The following DPYD variants were observed in gnomAD, a reference collection of about 807,000 sequenced individuals.
The protein encoded by DPYD is dihydropyrimidine dehydrogenase.
DPYD carries 109 observed loss-of-function variants against 116.2 expected under a neutral mutation model. The ratio of observed to expected loss-of-function variants is 0.94; its 90% CI spans 0.80 to 1.10. DPYD has a LOEUF of 1.10. Among genes scored for constraint, DPYD ranks in the 50% least tolerant of loss-of-function variants. The pLI is 0.00. For missense variants in DPYD, 1,302 were observed against 1,254.5 expected, an observed-to-expected ratio of 1.04 and a Z score of -0.57; for synonymous variants, 440 against 432.0, an observed-to-expected ratio of 1.02 and a Z score of -0.23.
chr1:97,365,755 G>A (rs1670999937), intron 16 of DPYD, among the ~76,000 whole-genome samples: 1 of 152,112 alleles, frequency 6.6e-6, no homozygotes, highest in Admixed American at 6.6e-5. Context: ...AGTACCCCAA[G>A]TAGCTGGAAA....
chr1:97,283,817 T>C (rs1665485957), intron 18 of DPYD, among the ~76,000 whole-genome samples: 1 of 152,128 alleles, frequency 6.6e-6, no homozygotes, highest in Non-Finnish European at 1.5e-5. Flanking sequence ...GGAAAGCAAT[T>C]GTTTGTGTGT....
chr1:97,195,025 G>C (rs1007663776), intron 19 of DPYD, among the ~76,000 whole-genome samples: 1 of 152,100 alleles, frequency 6.6e-6, no homozygotes, highest in African/African-American at 2.4e-5. Flanking sequence ...TATTTCCAAA[G>C]ATATCCCTCC....
intron 19 of DPYD, among the ~76,000 whole-genome samples, chr1:97,230,000 C>G (rs1255247152): frequency 6.6e-6 from 1 of 152,088 alleles, no homozygotes; most frequent in East Asian, 1.9e-4. Flanking sequence ...ATTTAACAAA[C>G]TCATTCAACC....
chr1:97,767,133 C>T (rs1665900761), intron 3 of DPYD, among the ~76,000 whole-genome samples: 1 of 152,104 alleles, frequency 6.6e-6, no homozygotes, highest in Non-Finnish European at 1.5e-5. Flanking sequence ...TTTGGAGTTA[C>T]ATCTGAGAAG....
intron 3 of DPYD, among the ~76,000 whole-genome samples, chr1:97,810,831 T>C (rs1166066758): frequency 6.6e-6 from 1 of 152,158 alleles, no homozygotes; most frequent in Non-Finnish European, 1.5e-5. Context: ...GAAATACTCC[T>C]AGTATAGAGA....
In DPYD at chr1:97,545,746, C is replaced by T. The variant is rs190591272; in HGVS notation, c.1524+3814G>A. On this transcript the variant is annotated intron_variant, in intron 12 of 22. Transcript: ENST00000370192. ...CCCGAACCGTGAAGAAAGGGAATTT[C>T]GTGCTCCAACTTTGGCATCCCTAGA... 4,014 of 1,509,214 alleles carry T rather than the reference C, an allele frequency of 2.7e-3. 12 individuals are homozygous for T. Among genetic ancestry groups the T allele is most frequent in the Non-Finnish European group, 3.3e-3 (3,617 of 1,092,026 alleles). 93.5% of individuals were successfully genotyped at this position (1,509,214 alleles called of 1,614,324 possible). A position where few individuals can be genotyped will look rare whatever the true frequency, so the allele number is the denominator to read the frequency against.
intron 8 of DPYD, among the ~76,000 whole-genome samples, chr1:97,615,989 A>G (rs916499323): frequency 4.6e-5 from 7 of 152,070 alleles, no homozygotes; most frequent in Non-Finnish European, 8.8e-5. Flanking sequence ...AGCATATGAT[A>G]CGTTAACTCC....
intron 8 of DPYD, among the ~76,000 whole-genome samples, chr1:97,636,959 A>T (rs558545166): frequency 6.6e-6 from 1 of 152,130 alleles, no homozygotes; most frequent in Non-Finnish European, 1.5e-5. Flanking sequence ...ACTGTGTGGG[A>T]ACCCACTCAG....
In DPYD at chr1:97,164,331, G is replaced by T. The variant is rs969238203; in HGVS notation, c.2622+28738C>A. On this transcript the variant is annotated intron_variant, in intron 20 of 22. Coordinates refer to ENST00000370192, the MANE Select transcript of DPYD (RefSeq NM_000110.4). ...CCACAGCCAATATCATACTGAAAGG[G>T]CAAAAGCTGACAGCATTCCCCTTGA... Among the ~76,000 whole-genome samples, 3 of 152,032 alleles carry T rather than the reference G, an allele frequency of 2.0e-5. No individual in the cohort carries two copies. The East Asian group carries it at 5.8e-4, about 29-fold the overall frequency.
chr1:97,564,897 C>T (rs1290562115), intron 11 of DPYD, among the ~76,000 whole-genome samples: 2 of 152,088 alleles, frequency 1.3e-5, no homozygotes, highest in Admixed American at 6.6e-5. Flanking sequence ...TTCCACACTC[C>T]TGATGTTGCC....
At chr1:97,585,385 C>G (rs941942928) in intron 10 of DPYD, among the ~76,000 whole-genome samples, 1 of 152,106 alleles carries the variant, frequency 6.6e-6, no homozygotes, top group South Asian at 2.1e-4. Flanking sequence ...GATGAGTTCA[C>G]GTGTAGTAGT....
intron 14 of DPYD, among the ~76,000 whole-genome samples, chr1:97,406,137 G>A (rs774666652): frequency 1.3e-5 from 2 of 151,850 alleles, no homozygotes; most frequent in Non-Finnish European, 2.9e-5. Flanking sequence ...TGTGGTTTCC[G>A]CTAGTGAGTC....
At chr1:97,622,157 C>T (rs1344673724) in intron 8 of DPYD, among the ~76,000 whole-genome samples, 1 of 151,996 alleles carries the variant, frequency 6.6e-6, no homozygotes, top group Non-Finnish European at 1.5e-5. Context: ...TTCCAAAGAA[C>T]ATGATATGCA....
At chr1:97,907,115 C>A (rs74481079) in intron 1 of DPYD, among the ~76,000 whole-genome samples, 22 of 151,912 alleles carry the variant, frequency 1.4e-4, no homozygotes, top group African/African-American at 4.8e-4. Context: ...CAGGAAGGAG[C>A]GGAACAATGA....
chr1:97,825,633 A>G (rs9970119), intron 3 of DPYD, among the ~76,000 whole-genome samples: 14 of 110,584 alleles, frequency 1.3e-4, no homozygotes, highest in Non-Finnish European at 2.0e-4. Context: ...GGGTGGGGGG[A>G]GGGGGGGAGG....
chr1:97,573,219 T>C (rs2102179665), intron 11 of DPYD, among the ~76,000 whole-genome samples: 1 of 152,192 alleles, frequency 6.6e-6, no homozygotes, highest in Non-Finnish European at 1.5e-5. Context: ...CTTTCTCTCA[T>C]TATCTTTTTA....
intron 3 of DPYD, among the ~76,000 whole-genome samples, chr1:97,753,675 T>C (rs1156741051): frequency 6.6e-6 from 1 of 152,170 alleles, no homozygotes; most frequent in Non-Finnish European, 1.5e-5. Flanking sequence ...TTGCAGATCA[T>C]GTAATTATTT....
At chr1:97,543,242 T>C (rs1276130386) in intron 12 of DPYD, among the ~76,000 whole-genome samples, 2 of 152,212 alleles carry the variant, frequency 1.3e-5, no homozygotes, top group Non-Finnish European at 2.9e-5. Context: ...TTCTCTGTAG[T>C]TCAGAGAGCC....
intron 14 of DPYD, among the ~76,000 whole-genome samples, chr1:97,440,718 T>G (rs1675737744): frequency 6.6e-6 from 1 of 152,202 alleles, no homozygotes; most frequent in Non-Finnish European, 1.5e-5. Context: ...TATTTTTTGT[T>G]TAAACAACCT....
Sources: allele counts gnomAD v4.1 joint callset (sites outside exome capture counted in the v4.1 genomes callset), GRCh38; gene constraint gnomAD v4.1.1; transcripts MANE v1.5; gene names NCBI Gene and HGNC (gene_info 2026-07-23, HGNC 2026-07-21).